DIAPH2: variants seen among roughly 807,000 people sequenced by gnomAD.
The protein encoded by DIAPH2 is diaphanous related formin 2.
A neutral mutation model predicts 92.7 loss-of-function variants in DIAPH2; 35 were observed. The ratio of observed to expected loss-of-function variants is 0.38; its 90% CI spans 0.29 to 0.50. The LOEUF is 0.50. Ranked by LOEUF, DIAPH2 falls within the 20% of genes least tolerant of loss-of-function variation. The probability of loss-of-function intolerance (pLI) is 0.94; values close to 1 mark genes in which losing one functional copy is unlikely to be tolerated. For missense variants in DIAPH2, 701 were observed against 819.5 expected (o/e 0.86, Z 1.77); for synonymous variants, 301 against 280.4 (o/e 1.07, Z -0.73).
intron 23 of DIAPH2, among the ~76,000 whole-genome samples, chrX:97,334,993 C>CAAAAAAAAAAAAAAA (rs1314227612): frequency 3.0e-4 from 2 of 6,630 alleles, no homozygotes; most frequent in Non-Finnish European, 4.6e-4. Flanking sequence ...AAAACAAAAA[C>CAAAAAAAAAAAAAAA]AAAACAAAAA....
chrX:96,854,181 G>A (rs890744789), intron 4 of DIAPH2, among the ~76,000 whole-genome samples: 2 of 110,129 alleles, frequency 1.8e-5, no homozygotes, highest in Admixed American at 9.7e-5. Context: ...ATTTTACATC[G>A]CAATGGAAAA....
chrX:96,895,353 T>C (rs780771752), intron 5 of DIAPH2, among the ~76,000 whole-genome samples: 8 of 111,513 alleles, frequency 7.2e-5, no homozygotes, highest in Admixed American at 1.9e-4. Flanking sequence ...ATCATATTGA[T>C]ATAAAGGATA....
intron 21 of DIAPH2, among the ~76,000 whole-genome samples, chrX:97,127,081 G>T (rs2067098869): frequency 8.9e-6 from 1 of 111,967 alleles, no homozygotes; most frequent in Admixed American, 9.4e-5. Flanking sequence ...ATCAATACCT[G>T]TTCAAAAACA....
At chrX:97,309,509 G>A (rs185942417) in intron 23 of DIAPH2, among the ~76,000 whole-genome samples, 24 of 111,876 alleles carry the variant, frequency 2.1e-4, no homozygotes, top group Admixed American at 8.6e-4. Context: ...GGGCTTTAGC[G>A]GTAAGGTAAC....
intron 23 of DIAPH2, among the ~76,000 whole-genome samples, chrX:97,306,649 A>G (rs1234776905): frequency 9.0e-6 from 1 of 110,908 alleles, no homozygotes; most frequent in Non-Finnish European, 1.9e-5. Flanking sequence ...TCTTCTCCAC[A>G]TGCCAATACA....
chrX:97,573,909 C>T (rs750632953), intron 26 of DIAPH2, among the ~76,000 whole-genome samples: 6 of 111,238 alleles, frequency 5.4e-5, no homozygotes, highest in Non-Finnish European at 9.4e-5. Flanking sequence ...GATCCACCCA[C>T]CTCGGCCTCC....
chrX:97,316,485 C>CAAAA (rs55897560), intron 23 of DIAPH2, among the ~76,000 whole-genome samples: 1 of 59,296 alleles, frequency 1.7e-5, no homozygotes, highest in Non-Finnish European at 3.1e-5. Context: ...ACTAAAAATA[C>CAAAA]AAAAAAAAAA....
At chrX:97,349,085 T>A (rs981734618) in intron 24 of DIAPH2, among the ~76,000 whole-genome samples, 169 of 100,736 alleles carry the variant, frequency 1.7e-3, no homozygotes, top group Middle Eastern at 9.8e-3. Context: ...TATATATATT[T>A]TTTTTTTTTT....
chrX:97,581,259 G>A (rs1275801075), intron 26 of DIAPH2, among the ~76,000 whole-genome samples: 2 of 17,001 alleles, frequency 1.2e-4, no homozygotes, highest in Non-Finnish European at 5.7e-4. Flanking sequence ...TAATTGTGAT[G>A]TTAGGGTGTC....
intron 25 of DIAPH2, among the ~76,000 whole-genome samples, chrX:97,420,963 C>T (rs2070002385): frequency 8.9e-6 from 1 of 112,193 alleles, no homozygotes; most frequent in Non-Finnish European, 1.9e-5. Context: ...ACTTCATAGA[C>T]TATTATCTTA....
chrX:97,366,977 T>C (rs1022813532), intron 24 of DIAPH2, among the ~76,000 whole-genome samples: 3 of 111,799 alleles, frequency 2.7e-5, no homozygotes, highest in Admixed American at 1.9e-4. Flanking sequence ...GAAGTTTACA[T>C]TGAAAGAAGT....
intron 4 of DIAPH2, among the ~76,000 whole-genome samples, chrX:96,868,296 T>C (rs1180019668): frequency 1.8e-5 from 2 of 112,238 alleles, no homozygotes; most frequent in Non-Finnish European, 3.8e-5. Context: ...GACTTGGTTA[T>C]AAGGTAGTTA....
At chrX:97,510,800 GTCAAAGAT>G (rs2070883357) in intron 26 of DIAPH2, among the ~76,000 whole-genome samples, 1 of 94,187 alleles carries the variant, frequency 1.1e-5, no homozygotes, top group Admixed American at 1.2e-4. Context: ...TCTCAGGTTT[GTCAAAGAT>G]CAGATAGTTG....
At chrX:96,749,145 A>AATATATAT (rs56745873) in intron 3 of DIAPH2, among the ~76,000 whole-genome samples, 11 of 79,821 alleles carry the variant, frequency 1.4e-4, no homozygotes, top group African/African-American at 4.6e-4. Context: ...AAAAAAAAAA[A>AATATATAT]ATATATATAT....
At chrX:97,596,436 A>G (rs2071552023) in intron 26 of DIAPH2, among the ~76,000 whole-genome samples, 1 of 112,112 alleles carries the variant, frequency 8.9e-6, no homozygotes, top group African/African-American at 3.2e-5. Context: ...TCTCAGGTAA[A>G]TACATGTGTT....
At chrX:96,773,167 C>G (rs753935526) in intron 4 of DIAPH2, among the ~76,000 whole-genome samples, 6 of 110,151 alleles carry the variant, frequency 5.4e-5, no homozygotes, top group Non-Finnish European at 1.1e-4. Flanking sequence ...AAAATTATTT[C>G]AGATTTTCTT....
intron 1 of DIAPH2, among the ~76,000 whole-genome samples, chrX:96,717,561 C>T (rs2063957860): frequency 9.7e-6 from 1 of 103,037 alleles, no homozygotes; most frequent in African/African-American, 3.5e-5. Context: ...CTGTGAAATC[C>T]ACTTTGCCTG....
At chrX:96,901,433 AT>A (rs1244128304) in intron 5 of DIAPH2, among the ~76,000 whole-genome samples, 26 of 61,683 alleles carry the variant, frequency 4.2e-4, no homozygotes, top group African/African-American at 1.2e-3. Flanking sequence ...AATCTTTTGT[AT>A]TTTTTTTTGT....
chrX:97,509,057 TA>T (rs1397683657), intron 26 of DIAPH2, among the ~76,000 whole-genome samples: 4 of 107,732 alleles, frequency 3.7e-5, no homozygotes, highest in African/African-American at 1.4e-4. Context: ...ATTTATTTAT[TA>T]TTTTTTGAGA....
Sources: gnomAD v4.1 joint callset for allele counts (sites outside exome capture counted in the v4.1 genomes callset) on GRCh38, gnomAD v4.1.1 for gene constraint, MANE v1.5 for transcripts, NCBI Gene and HGNC (gene_info 2026-07-23, HGNC 2026-07-21) for gene names.